The following KCNQ5 variants were observed in gnomAD, a reference collection of about 807,000 sequenced individuals.
KCNQ5 encodes potassium voltage-gated channel subfamily KQT member 5.
A neutral mutation model predicts 98.2 loss-of-function variants in KCNQ5; 30 were observed. That is an observed-to-expected ratio of 0.31 (90% CI 0.23 to 0.41). The LOEUF is 0.41. Among genes scored for constraint, KCNQ5 ranks in the 10% least tolerant of loss-of-function variants. KCNQ5 has a pLI of 1.00. For synonymous variants in KCNQ5, 458 were observed against 449.4 expected, an observed-to-expected ratio of 1.02 and a Z score of -0.24; for missense variants, 835 against 1,182.5, an observed-to-expected ratio of 0.71 and a Z score of 4.31.
intron 1 of KCNQ5, among the ~76,000 whole-genome samples, chr6:72,903,532 C>T (rs1441126274): frequency 1.3e-5 from 2 of 152,082 alleles, no homozygotes; most frequent in East Asian, 1.9e-4. Flanking sequence ...GGTTGTGTCA[C>T]TACTGTCGTT....
At chr6:72,917,442 T>C (rs989152442) in intron 1 of KCNQ5, among the ~76,000 whole-genome samples, 1 of 147,382 alleles carries the variant, frequency 6.8e-6, no homozygotes, top group African/African-American at 2.5e-5. Flanking sequence ...CCCCACCATT[T>C]TTTTATTTTT....
chr6:73,130,071 A>C (rs994305512), intron 9 of KCNQ5, among the ~76,000 whole-genome samples: 11 of 152,214 alleles, frequency 7.2e-5, no homozygotes, highest in African/African-American at 2.4e-4. Flanking sequence ...TCCCGCGTAG[A>C]ACTGGCAGTC....
intron 5 of KCNQ5, among the ~76,000 whole-genome samples, chr6:73,084,130 G>C (rs1424740867): frequency 6.6e-6 from 1 of 152,070 alleles, no homozygotes; most frequent in Non-Finnish European, 1.5e-5. Context: ...TTTAATTCCA[G>C]CACCATCACC....
intron 10 of KCNQ5, among the ~76,000 whole-genome samples, chr6:73,160,319 C>A (rs1218798520): frequency 6.6e-6 from 1 of 152,126 alleles, no homozygotes; most frequent in African/African-American, 2.4e-5. Context: ...CCCGGCCTTC[C>A]GCTATGTTTT....
At chr6:72,752,127 CT>C (rs1316307723) in intron 1 of KCNQ5, among the ~76,000 whole-genome samples, 7 of 152,094 alleles carry the variant, frequency 4.6e-5, no homozygotes, top group African/African-American at 1.7e-4. Flanking sequence ...GAGCATCTGT[CT>C]TGAAGGAGAC....
At chr6:72,712,228 A>G (rs1769406108) in intron 1 of KCNQ5, among the ~76,000 whole-genome samples, 1 of 152,224 alleles carries the variant, frequency 6.6e-6, no homozygotes, top group Non-Finnish European at 1.5e-5. Flanking sequence ...CCTGGGGAAC[A>G]CCTACATTTA....
At chr6:72,662,419 T>C (rs1582071106) in intron 1 of KCNQ5, among the ~76,000 whole-genome samples, 1 of 152,200 alleles carries the variant, frequency 6.6e-6, no homozygotes, top group Non-Finnish European at 1.5e-5. Flanking sequence ...GGTGATGATA[T>C]GATAACATAA....
At chr6:72,863,991 C>A (rs1019197477) in intron 1 of KCNQ5, among the ~76,000 whole-genome samples, 29 of 152,258 alleles carry the variant, frequency 1.9e-4, no homozygotes, top group African/African-American at 7.0e-4. Context: ...CCATATACAT[C>A]CCCTTCTTAT....
chr6:72,727,680 A>G (rs930474999), intron 1 of KCNQ5, among the ~76,000 whole-genome samples: 3 of 152,156 alleles, frequency 2.0e-5, no homozygotes, highest in Non-Finnish European at 4.4e-5. Context: ...AATACTGCAT[A>G]ATATATTACC....
At chr6:72,722,147 T>A (rs1769989029) in intron 1 of KCNQ5, among the ~76,000 whole-genome samples, 1 of 151,970 alleles carries the variant, frequency 6.6e-6, no homozygotes, top group Admixed American at 6.6e-5. Context: ...CCTTTCAGAG[T>A]CTTCAGAAGG....
chr6:72,656,772 T>C (rs187746805), intron 1 of KCNQ5, among the ~76,000 whole-genome samples: 9 of 152,096 alleles, frequency 5.9e-5, no homozygotes, highest in African/African-American at 2.2e-4. Context: ...GAGAGCATCT[T>C]ATCTCTGGCT....
intron 1 of KCNQ5, among the ~76,000 whole-genome samples, chr6:72,731,872 T>G (rs556176389): frequency 2.0e-5 from 3 of 152,188 alleles, no homozygotes; most frequent in African/African-American, 7.2e-5. Flanking sequence ...TGTTGAGAAG[T>G]GAGAAGGAAA....
chr6:72,999,072 G>C (rs1394678100), intron 1 of KCNQ5, among the ~76,000 whole-genome samples: 1 of 152,178 alleles, frequency 6.6e-6, no homozygotes, highest in Non-Finnish European at 1.5e-5. Context: ...GTTCAGTAGA[G>C]CTTTTCTGAA....
chr6:72,623,691 T>C (rs1271112459), intron 1 of KCNQ5, among the ~76,000 whole-genome samples: 1 of 152,198 alleles, frequency 6.6e-6, no homozygotes, highest in East Asian at 1.9e-4. Flanking sequence ...TTATTATTTC[T>C]GCTTCTTTTT....
chr6:72,831,989 A>T (rs1009529460), intron 1 of KCNQ5, among the ~76,000 whole-genome samples: 1 of 152,162 alleles, frequency 6.6e-6, no homozygotes, highest in African/African-American at 2.4e-5. Flanking sequence ...CTGGTAGAAT[A>T]GTGTAGCATT....
chr6:73,171,629 G>A (rs1778019749), intron 11 of KCNQ5, among the ~76,000 whole-genome samples: 1 of 152,210 alleles, frequency 6.6e-6, no homozygotes, highest in South Asian at 2.1e-4. Context: ...TATTTCAACT[G>A]TTCGATAGCC....
intron 5 of KCNQ5, among the ~76,000 whole-genome samples, chr6:73,081,204 G>T (rs1342722375): frequency 6.6e-6 from 1 of 152,180 alleles, no homozygotes; most frequent in African/African-American, 2.4e-5. Flanking sequence ...GATGTCCTGG[G>T]TTCTGATGTG....
chr6:72,766,070 G>A (rs111561974), intron 1 of KCNQ5, among the ~76,000 whole-genome samples: 25 of 152,134 alleles, frequency 1.6e-4, no homozygotes, highest in African/African-American at 6.0e-4. Context: ...CAATCAAGGG[G>A]AATTAAGAGT....
chr6:73,071,581 C>A (rs1427076816), intron 3 of KCNQ5, among the ~76,000 whole-genome samples: 2 of 152,150 alleles, frequency 1.3e-5, no homozygotes, highest in African/African-American at 4.8e-5. Context: ...CTGGTGAGAA[C>A]CTCAGGCTGC....
Sources: allele counts gnomAD v4.1 joint callset (sites outside exome capture counted in the v4.1 genomes callset), GRCh38; gene constraint gnomAD v4.1.1; transcripts MANE v1.5; gene names NCBI Gene and HGNC (gene_info 2026-07-23, HGNC 2026-07-21).